Variants in SEC62 observed in about 807,000 individuals in gnomAD.
SEC62 encodes the protein translocation protein SEC62.
In SEC62, 10 loss-of-function variants were observed where a neutral mutation model predicts 47.5. That is an observed-to-expected ratio of 0.21 (90% confidence interval 0.13 to 0.36). The LOEUF (loss-of-function observed/expected upper bound fraction) is 0.36, where lower values mean the gene tolerates loss of function less well. SEC62 is among the 10% of genes least tolerant of loss of function. The pLI is 1.00. For synonymous variants in SEC62, 136 were observed against 150.5 expected (o/e 0.90, Z 0.71); for missense variants, 327 against 464.1 (o/e 0.70, Z 2.71).
intron 1 of SEC62, 103 bp downstream of exon 1, chr3:169,966,961 G>A: frequency 9.6e-7 from 1 of 1,044,064 alleles, no homozygotes; most frequent in Non-Finnish European, 1.4e-6. Flanking sequence ...GCGAGGTGGG[G>A]TGGGGTGGGG....
Position 169,997,313 on chromosome 3 carries a change from A to G in SEC62, c.*4250A>G, listed in dbSNP as rs146595653. 2.0e-4 allele frequency: 30 copies of G among 152,382 alleles called. No homozygotes were observed. Among genetic ancestry groups the G allele is most frequent in the African/African-American group, 6.3e-4 (26 of 41,596 alleles). 9.4% of individuals were successfully genotyped at this position (152,382 alleles called of 1,614,324 possible). A position where few individuals can be genotyped will look rare whatever the true frequency, so the allele number is the denominator to read the frequency against. On this transcript the variant is annotated 3_prime_UTR_variant, in exon 8 of 8. Coordinates refer to ENST00000337002, the MANE Select transcript of SEC62 (RefSeq NM_003262.4). ...AGTTTTAGGATTGTCCAAAAGGCCT[A>G]TGATCTCTTCTTAGCATGACAGAAA...
chr3:169,979,340 C>T (rs770166169), intron 3 of SEC62, among the ~76,000 whole-genome samples: 6 of 152,114 alleles, frequency 3.9e-5, no homozygotes, highest in Non-Finnish European at 4.4e-5. Context: ...TCCTCCAATA[C>T]TGTCAGTTTT....
intron 7 of SEC62, among the ~76,000 whole-genome samples, chr3:169,990,845 A>G (rs1354057535): frequency 6.6e-6 from 1 of 152,226 alleles, no homozygotes; most frequent in Non-Finnish European, 1.5e-5. Flanking sequence ...GACAGCTATA[A>G]CGATTTTCTT....
intron 1 of SEC62, 128 bp downstream of exon 1, chr3:169,966,986 G>A (rs1378981084): frequency 9.5e-7 from 1 of 1,055,350 alleles, no homozygotes; most frequent in African/African-American, 1.6e-5. Context: ...GTTCCGCCGC[G>A]AGGCAGCTGG....
intron 6 of SEC62, among the ~76,000 whole-genome samples, chr3:169,987,043 G>A (rs1470144623): frequency 6.6e-6 from 1 of 151,534 alleles, no homozygotes; most frequent in Non-Finnish European, 1.5e-5. Flanking sequence ...GGTTTTATGG[G>A]GAAAGAATGA....
chr3:169,975,555 G>T, intron 1 of SEC62, 53 bp from the exon 2 acceptor site: 1 of 1,092,556 alleles, frequency 9.2e-7, no homozygotes, highest in South Asian at 1.3e-5. Context: ...ATTATTCAGC[G>T]CATGAATTTC....
chr3:169,992,682 C>T lies in SEC62; in HGVS notation c.819C>T (p.Gly273=), dbSNP rs140382800. ...TGCCAAATCTGACTGCTGATGTGGGCTTCATTGACTCCTTCAGGCCTCTGT... is the reference window on the plus strand; with the variant it reads ...TGCCAAATCTGACTGCTGATGTGGGTTTCATTGACTCCTTCAGGCCTCTGT... The part of the protein sequence containing the change: ...WFLPNLTADV[G]FIDSFRPLYT... The change falls in exon 8 of 8, where the codon GGC becomes GGT. Residue 273 remains glycine, a synonymous_variant. Coordinates refer to ENST00000337002, the MANE Select transcript of SEC62 (RefSeq NM_003262.4). The surrounding 1 kb of genome is among the most constrained non-coding windows in gnomAD (Gnocchi z 4.0). 8 of 1,614,140 alleles carry T rather than the reference C, an allele frequency of 5.0e-6. No individual in the cohort carries two copies. The highest frequency in any genetic ancestry group is 2.7e-5 in the African/African-American group (2 of 75,028).
intron 5 of SEC62, 69 bp from the exon 6 acceptor site, chr3:169,985,736 T>G: frequency 8.0e-7 from 1 of 1,254,722 alleles, no homozygotes; most frequent in South Asian, 1.4e-5. Context: ...ACCTAAAATA[T>G]AGAATTAAGC....
Position 169,982,929 on chromosome 3 carries a change from T to A in SEC62, c.456+18T>A. 1 of 1,560,920 alleles carries A rather than the reference T, an allele frequency of 6.4e-7. No homozygotes were observed. Among genetic ancestry groups the A allele is most frequent in the Non-Finnish European group, 8.6e-7 (1 of 1,164,854 alleles). On this transcript the variant is annotated intron_variant, in intron 4 of 7. Coordinates refer to ENST00000337002, the MANE Select transcript of SEC62 (RefSeq NM_003262.4). ...CCAAAAAGGTGAGTTAATCTAAAAT[T>A]AAGTAAAAATTTAAAAATCATTATG...
At position 169,992,313 on chromosome 3, in the gene SEC62, G is replaced by A. The variant is rs774176702; in HGVS notation, c.731-281G>A. On this transcript the variant is annotated intron_variant, in intron 7 of 7. Coordinates refer to ENST00000337002, the MANE Select transcript of SEC62 (RefSeq NM_003262.4). The surrounding 1 kb of genome is among the most constrained non-coding windows in gnomAD (Gnocchi z 4.0). ...ACATTCTGTGCCCCTAGAATACCGT[G>A]ATAGCTGCTAAACTAGTCAGGAATT... 2.8e-4 allele frequency among the ~76,000 whole-genome samples: 42 copies of A among 152,222 alleles called. No individual in the cohort carries two copies. Among genetic ancestry groups the A allele is most frequent in the Middle Eastern group, 3.4e-3 (1 of 294 alleles).
rs1245179478 is a variant in SEC62 at position 169,985,792 on chromosome 3, T to C, written c.550-13T>C. ...TAGAACTTTTAAGCACCGAGGTTTCTTGATTCTTCTAGGTGTATGTATGGA... is the reference window on the plus strand; with the variant it reads ...TAGAACTTTTAAGCACCGAGGTTTCCTGATTCTTCTAGGTGTATGTATGGA... On this transcript the variant is annotated splice_polypyrimidine_tract_variant and intron_variant, in intron 5 of 7. Transcript: ENST00000337002. The C allele has an allele frequency of 6.2e-7, 1 of 1,602,754 alleles. No individual in the cohort carries two copies. The highest frequency in any genetic ancestry group is 1.7e-5 in the Admixed American group (1 of 58,016).
rs1162369289 is a variant in SEC62, at chr3:169,998,010, C to CTAGT, written c.*4948_*4951dup. On this transcript the variant is annotated 3_prime_UTR_variant, in exon 8 of 8. Coordinates refer to ENST00000337002, the MANE Select transcript of SEC62 (RefSeq NM_003262.4). ...CTGATTTCTGTTGACAAAGTTACTG[C>CTAGT]TAGTACAACTGTGGATTGTTGTCTG... is the stretch of plus-strand genomic sequence containing the variant. 3 of 152,188 alleles carry CTAGT rather than the reference C, an allele frequency of 2.0e-5. No homozygotes were observed. Among genetic ancestry groups the CTAGT allele is most frequent in the Admixed American group, 6.5e-5 (1 of 15,288 alleles). 9.4% of individuals were successfully genotyped at this position (152,188 alleles called of 1,614,324 possible). A position where few individuals can be genotyped will look rare whatever the true frequency, so the allele number is the denominator to read the frequency against.
intron 1 of SEC62, among the ~76,000 whole-genome samples, chr3:169,967,446 A>G (rs543963794): frequency 3.3e-5 from 5 of 152,194 alleles, no homozygotes; most frequent in Admixed American, 2.0e-4. Context: ...CTTCAATATT[A>G]TTAACTTAAT....
intron 1 of SEC62, among the ~76,000 whole-genome samples, chr3:169,972,570 C>A (rs1354072600): frequency 1.5e-5 from 2 of 130,026 alleles, no homozygotes; most frequent in Admixed American, 1.8e-4. Context: ...TGTGTAGCAC[C>A]TTTTTCTATC....
Position 169,975,687 on chromosome 3 carries a change from T to TG in SEC62, c.117dup (p.Met40AspfsTer6). ...AACTGTCCAACAAAGTCCACCAATATGATGGGTCACCGGGTTGATTATTTT... is the reference window on the plus strand; with the variant it reads ...AACTGTCCAACAAAGTCCACCAATATGGATGGGTCACCGGGTTGATTATTTT... On this transcript the variant is annotated frameshift_variant, in exon 2 of 8. Transcript: ENST00000337002. LOFTEE classifies it high-confidence loss of function. 1 of 1,612,524 alleles carries TG rather than the reference T, an allele frequency of 6.2e-7. No homozygotes were observed. Among genetic ancestry groups the TG allele is most frequent in the Non-Finnish European group, 8.5e-7 (1 of 1,178,606 alleles).
At chr3:169,974,024 T>A (rs555871741) in intron 1 of SEC62, among the ~76,000 whole-genome samples, 14 of 152,358 alleles carry the variant, frequency 9.2e-5, no homozygotes, top group African/African-American at 3.4e-4. Context: ...GGTTGTTCTT[T>A]ATTTTCCTCA....
intron 1 of SEC62, among the ~76,000 whole-genome samples, chr3:169,971,989 G>A (rs12632675): frequency 3.8e-4 from 58 of 152,052 alleles, no homozygotes; most frequent in Middle Eastern, 3.4e-3. Context: ...TGAGTTCTAT[G>A]TGTTCTACAT....
intron 1 of SEC62, among the ~76,000 whole-genome samples, chr3:169,967,267 A>G (rs1714554721): frequency 1.3e-5 from 2 of 152,118 alleles, no homozygotes; most frequent in South Asian, 4.1e-4. Context: ...GCTGGCCTGA[A>G]ATTAAGGCCA....
intron 6 of SEC62, 145 bp from the exon 7 acceptor site, chr3:169,988,095 C>T: frequency 1.3e-6 from 1 of 755,352 alleles, no homozygotes. Flanking sequence ...CATAATTGAC[C>T]ATTTTTTACC....
Sources: allele counts gnomAD v4.1 joint callset (sites outside exome capture counted in the v4.1 genomes callset), GRCh38; gene constraint gnomAD v4.1.1; non-coding constraint Gnocchi (gnomAD v3.1); transcripts MANE v1.5; gene names NCBI Gene and HGNC (gene_info 2026-07-23, HGNC 2026-07-21).